Variants in EVC2 observed in about 807,000 individuals in gnomAD.
The protein encoded by EVC2 is limbin.
A neutral mutation model predicts 149.3 loss-of-function variants in EVC2; 148 were observed. The observed-to-expected ratio is 0.99, with a 90% CI of 0.87 to 1.14. The LOEUF (loss-of-function observed/expected upper bound fraction) is 1.14. Ranked by LOEUF, EVC2 falls within the 50% of genes most tolerant of loss-of-function variation. The pLI is 0.00. For missense variants in EVC2, 1,854 were observed against 1,627.3 expected, an observed-to-expected ratio of 1.14 and a Z score of -2.40; for synonymous variants, 776 against 649.9, an observed-to-expected ratio of 1.19 and a Z score of -2.95.
At chr4:5,577,184 C>A (rs940941056) in intron 17 of EVC2, among the ~76,000 whole-genome samples, 1 of 152,216 alleles carries the variant, frequency 6.6e-6, no homozygotes, top group African/African-American at 2.4e-5. Flanking sequence ...ATTAATTTGT[C>A]AGATGATGTA....
In EVC2 at chr4:5,545,355, A is replaced by G. The variant is rs28462096; in HGVS notation, c.3420-2143T>C. Among the ~76,000 whole-genome samples the G allele has an allele frequency of 7.5e-3, 1,140 of 152,356 alleles. 16 individuals carry two copies. Among genetic ancestry groups the G allele is most frequent in the African/African-American group, 0.026 (1,061 of 41,588 alleles). Reference sequence around the variant, plus strand: ...TAGAAAGAACACAGGCTTCCGAGTCAGACAGATGAGTTAGAAGCCTGACTC... The same window carrying G: ...TAGAAAGAACACAGGCTTCCGAGTCGGACAGATGAGTTAGAAGCCTGACTC... On this transcript the variant is annotated intron_variant and NMD_transcript_variant, in intron 21 of 22. Transcript: ENST00000475313.
intron 16 of EVC2, among the ~76,000 whole-genome samples, chr4:5,595,606 G>A (rs1283879037): frequency 6.6e-6 from 1 of 152,148 alleles, no homozygotes; most frequent in Non-Finnish European, 1.5e-5. Flanking sequence ...ACCAGCCACT[G>A]CAAAATCAAG....
At chr4:5,676,381 C>T (rs1230450913) in intron 7 of EVC2, among the ~76,000 whole-genome samples, 2 of 152,152 alleles carry the variant, frequency 1.3e-5, no homozygotes, top group Admixed American at 6.5e-5. Context: ...ACAATGGAAG[C>T]CTCACATCTT....
Position 5,686,532 on chromosome 4 carries a change from C to T in EVC2, c.707-1053G>A, listed in dbSNP as rs1003427469. On this transcript the variant is annotated intron_variant, in intron 5 of 21. Coordinates refer to ENST00000344408, the MANE Select transcript of EVC2 (RefSeq NM_147127.5). The surrounding 1 kb of genome is among the most constrained non-coding windows in gnomAD (Gnocchi z 5.4). The stretch of plus-strand genomic sequence containing the variant: ...CCCAGCTGATCTCCACACACTGCCC[C>T]GAGATGGATGGAGAACACGTGATTT... Among the ~76,000 whole-genome samples, 1 of 152,096 alleles carries T rather than the reference C, an allele frequency of 6.6e-6. No homozygotes were observed. The highest frequency in any genetic ancestry group is 1.5e-5 in the Non-Finnish European group (1 of 68,032).
intron 2 of EVC2, among the ~76,000 whole-genome samples, chr4:5,695,257 G>A (rs1304274719): frequency 2.0e-5 from 3 of 151,904 alleles, no homozygotes; most frequent in Middle Eastern, 6.8e-3. Context: ...GTGAGGCAGG[G>A]GAATCGCTTG....
In EVC2 at chr4:5,622,417, T is replaced by C; in HGVS notation, c.2501+120A>G. ...AGTTTATATGACTAATTAACGCTGG[T>C]AATCTCATCTGTCTGGGGCCAGGTG... On this transcript the variant is annotated intron_variant, in intron 14 of 21. Coordinates refer to ENST00000344408, the MANE Select transcript of EVC2 (RefSeq NM_147127.5). The surrounding 1 kb of genome is among the most constrained non-coding windows in gnomAD (Gnocchi z 5.8). The C allele has an allele frequency of 1.7e-6, 2 of 1,158,530 alleles. No homozygotes were observed. Among genetic ancestry groups the C allele is most frequent in the Non-Finnish European group, 2.5e-6 (2 of 791,172 alleles). 71.8% of individuals were successfully genotyped at this position (1,158,530 alleles called of 1,614,324 possible).
At position 5,562,647 on chromosome 4, in the gene EVC2, A is replaced by G; in HGVS notation, c.*201T>C. On this transcript the variant is annotated 3_prime_UTR_variant, in exon 22 of 22. Transcript: ENST00000344408. The surrounding 1 kb of genome is among the most constrained non-coding windows in gnomAD (Gnocchi z 4.3). ...GAAGGAGTGTTTATGTCCTTGTGAT[A>G]TGGAAGAGAGTGGGCCATCTGGAAA... is the stretch of plus-strand genomic sequence containing the variant. The G allele has an allele frequency of 6.9e-7, 1 of 1,445,234 alleles. No individual in the cohort carries two copies. The highest frequency in any genetic ancestry group is 9.0e-7 in the Non-Finnish European group (1 of 1,105,274). 89.5% of individuals were successfully genotyped at this position (1,445,234 alleles called of 1,614,324 possible). A position where few individuals can be genotyped will look rare whatever the true frequency, so the allele number is the denominator to read the frequency against.
intron 21 of EVC2, among the ~76,000 whole-genome samples, chr4:5,552,249 C>T (rs569788060): frequency 5.6e-4 from 85 of 152,314 alleles, no homozygotes; most frequent in Non-Finnish European, 8.8e-4. Context: ...CATTCTTCCT[C>T]TCTCTCCAGA....
chr4:5,658,650 G>C (rs1481977489), intron 9 of EVC2, among the ~76,000 whole-genome samples: 1 of 152,166 alleles, frequency 6.6e-6, no homozygotes, highest in Non-Finnish European at 1.5e-5. Context: ...AAAAATCTAA[G>C]CTCAGTCTTT....
chr4:5,576,227 G>T lies in EVC2; in HGVS notation c.3272+13C>A. 1 of 1,614,134 alleles carries T rather than the reference G, an allele frequency of 6.2e-7. No homozygotes were observed. ...GACTAATATCTTTGAGTGCTACGGGGCACACGGCATACCACTGCTGATGTT... is the reference window on the plus strand; with the variant it reads ...GACTAATATCTTTGAGTGCTACGGGTCACACGGCATACCACTGCTGATGTT... On this transcript the variant is annotated intron_variant, in intron 18 of 21. Transcript: ENST00000344408. The surrounding 1 kb of genome is among the most constrained non-coding windows in gnomAD (Gnocchi z 4.5).
At chr4:5,565,425 C>T (rs1722217269) in intron 20 of EVC2, 66 bp from the exon 21 acceptor site, 3 of 1,492,262 alleles carry the variant, frequency 2.0e-6, no homozygotes, top group African/African-American at 2.8e-5. Context: ...AATCCCAGCA[C>T]TTTGGAAGGC....
chr4:5,581,138 C>A (rs561654756), intron 17 of EVC2, among the ~76,000 whole-genome samples: 5 of 152,300 alleles, frequency 3.3e-5, no homozygotes, highest in African/African-American at 1.2e-4. Context: ...CCTTTCCTTA[C>A]AAATTAGCTA....
intron 1 of EVC2, among the ~76,000 whole-genome samples, chr4:5,697,891 GC>G (rs1483805889): frequency 1.3e-5 from 2 of 151,652 alleles, no homozygotes; most frequent in Non-Finnish European, 2.9e-5. Flanking sequence ...GACTACAGGC[GC>G]CCACCACCAC....
In EVC2 at chr4:5,636,972, C is replaced by T. The variant is rs953482305; in HGVS notation, c.1470+3542G>A. On this transcript the variant is annotated intron_variant, in intron 10 of 21. Coordinates refer to ENST00000344408, the MANE Select transcript of EVC2 (RefSeq NM_147127.5). The surrounding 1 kb of genome is among the most constrained non-coding windows in gnomAD (Gnocchi z 4.6). ...TGGAAACAGATTGGTTCAAATAAGG[C>T]GGCTGCTTGTCTTTGAACAGAGTGA... Among the ~76,000 whole-genome samples, 5 of 152,092 alleles carry T rather than the reference C, an allele frequency of 3.3e-5. No individual in the cohort carries two copies. Among genetic ancestry groups the T allele is most frequent in the African/African-American group, 9.7e-5 (4 of 41,400 alleles).
chr4:5,670,208 C>T lies in EVC2; in HGVS notation c.871-4559G>A, dbSNP rs1178967114. On this transcript the variant is annotated intron_variant, in intron 7 of 21. Transcript: ENST00000344408. The surrounding 1 kb of genome is among the most constrained non-coding windows in gnomAD (Gnocchi z 5.2). ...ATCATCACCAACATTAATATTACCA[C>T]CATGATTATCAACATCATCAATATC... Among the ~76,000 whole-genome samples, 2 of 152,104 alleles carry T rather than the reference C, an allele frequency of 1.3e-5. No homozygotes were observed. The highest frequency in any genetic ancestry group is 6.5e-5 in the Admixed American group (1 of 15,272).
At chr4:5,536,778 T>C in the EVC2 span, among the ~76,000 whole-genome samples, 2 of 139,322 alleles carry the variant, frequency 1.4e-5, no homozygotes, top group South Asian at 2.4e-4. Context: ...AGCAAGACTC[T>C]GTCTCAAAAA....
intron 9 of EVC2, among the ~76,000 whole-genome samples, chr4:5,641,589 C>G (rs995594503): frequency 6.6e-6 from 1 of 152,048 alleles, no homozygotes; most frequent in African/African-American, 2.4e-5. Flanking sequence ...AGACTGTACC[C>G]TTAAACTGTG....
rs1258179785 is a variant in EVC2 at position 5,637,289 on chromosome 4, C to T, written c.1470+3225G>A. On this transcript the variant is annotated intron_variant, in intron 10 of 21. Transcript: ENST00000344408. This position sits in a 1 kb window ranked among gnomAD's most constrained non-coding sequence, Gnocchi z 4.4. ...TGGGGCGCACAGCAGGGGGACGTAA[C>T]CTCCACTGCAGGAGGGGGCAGTGTG... Among the ~76,000 whole-genome samples the T allele has an allele frequency of 6.6e-6, 1 of 152,216 alleles. No homozygotes were observed. Among genetic ancestry groups the T allele is most frequent in the African/African-American group, 2.4e-5 (1 of 41,460 alleles).
chr4:5,553,864 G>C lies in EVC2; in HGVS notation c.3420-10652C>G, dbSNP rs189438607. ...CCAATAATGTAAAACTGCAATGTAT[G>C]CATGCAATAAAAAATCCCCAGGCAT... On this transcript the variant is annotated intron_variant and NMD_transcript_variant, in intron 21 of 22. Coordinates refer to the EVC2 transcript ENST00000475313. Among the ~76,000 whole-genome samples the C allele has an allele frequency of 3.9e-3, 600 of 152,216 alleles. 3 individuals carry two copies. The highest frequency in any genetic ancestry group is 0.017 in the Middle Eastern group (5 of 294).
Sources: gnomAD v4.1 joint callset for allele counts (sites outside exome capture counted in the v4.1 genomes callset) on GRCh38, gnomAD v4.1.1 for gene constraint, Gnocchi (gnomAD v3.1) non-coding constraint, MANE v1.5 for transcripts, NCBI Gene and HGNC (gene_info 2026-07-23, HGNC 2026-07-21) for gene names.